The following CHODL variants were observed in gnomAD, a reference collection of about 807,000 sequenced individuals.
The protein encoded by CHODL is transmembrane protein MT75.
CHODL carries 29 observed loss-of-function variants against 34.5 expected under a neutral mutation model. The ratio of observed to expected loss-of-function variants is 0.84; its 90% CI spans 0.63 to 1.15. CHODL has a LOEUF of 1.15. CHODL is among the 50% of genes most tolerant of loss of function. The pLI, the probability that CHODL is intolerant of heterozygous loss-of-function variation, is 0.00. For missense variants in CHODL, 332 were observed against 332.5 expected, an observed-to-expected ratio of 1.00 and a Z score of 0.01; for synonymous variants, 125 against 116.1, an observed-to-expected ratio of 1.08 and a Z score of -0.49.
Position 18,084,698 on chromosome 21 carries a change from C to T in CHODL, c.-45+56727C>T, listed in dbSNP as rs1339657430. ...TTTTATGGCCTAATACATGGTCTAT[C>T]TTGGAGAATGTTCCATGTGCTGATG... On this transcript the variant is annotated intron_variant, in intron 2 of 6. Transcript: ENST00000400127. Among the ~76,000 whole-genome samples the T allele has an allele frequency of 2.6e-5, 4 of 152,036 alleles. No homozygotes were observed. The East Asian group carries it at 7.7e-4, about 29-fold the overall frequency.
At chr21:18,070,025 T>TTCC (rs1555860424) in intron 2 of CHODL, among the ~76,000 whole-genome samples, 7 of 29,128 alleles carry the variant, frequency 2.4e-4, no homozygotes, top group Non-Finnish European at 4.0e-4. Context: ...TTCCCTTCCC[T>TTCC]CCCCCCCCCC....
At chr21:18,184,218 G>T (rs1009134414) in intron 2 of CHODL, among the ~76,000 whole-genome samples, 7 of 152,148 alleles carry the variant, frequency 4.6e-5, no homozygotes, top group Non-Finnish European at 7.4e-5. Flanking sequence ...TAGGTAACTG[G>T]AAATGATATT....
intron 1 of CHODL, among the ~76,000 whole-genome samples, chr21:17,939,365 A>G (rs2063345355): frequency 6.6e-6 from 1 of 152,214 alleles, no homozygotes; most frequent in Admixed American, 6.5e-5. Context: ...TTCATTCAGT[A>G]TAATGCCCTT....
At chr21:18,208,761 A>C (rs1227817259) in intron 2 of CHODL, among the ~76,000 whole-genome samples, 3 of 152,094 alleles carry the variant, frequency 2.0e-5, no homozygotes, top group African/African-American at 7.2e-5. Context: ...TCAGAGGTAC[A>C]AATTTGGTTG....
At chr21:18,127,663 G>A (rs977975010) in intron 2 of CHODL, among the ~76,000 whole-genome samples, 5 of 127,502 alleles carry the variant, frequency 3.9e-5, no homozygotes, top group African/African-American at 1.2e-4. Flanking sequence ...AACCAGTTGC[G>A]TTGCCATTGT....
intron 2 of CHODL, among the ~76,000 whole-genome samples, chr21:18,145,435 CAAAA>C (rs10671177): frequency 2.8e-4 from 17 of 60,886 alleles, no homozygotes; most frequent in Non-Finnish European, 4.3e-4. Flanking sequence ...GACTACCTTT[CAAAA>C]AAAAAAAAAA....
At chr21:18,060,119 CCTT>C (rs1568865545) in intron 2 of CHODL, among the ~76,000 whole-genome samples, 1 of 152,052 alleles carries the variant, frequency 6.6e-6, no homozygotes. Flanking sequence ...ATTTTTGCCT[CCTT>C]CTAACCAGTT....
intron 1 of CHODL, among the ~76,000 whole-genome samples, chr21:17,925,545 T>G (rs185673317): frequency 6.6e-4 from 100 of 152,370 alleles, no homozygotes; most frequent in African/African-American, 2.3e-3. Flanking sequence ...AATAAATGCT[T>G]GTTGAATAAA....
At chr21:18,032,882 A>G (rs984268534) in intron 2 of CHODL, among the ~76,000 whole-genome samples, 1 of 151,970 alleles carries the variant, frequency 6.6e-6, no homozygotes, top group Admixed American at 6.6e-5. Context: ...GCATTCATTC[A>G]CTTGAAAATA....
At chr21:18,228,891 C>T (rs1188683065) in intron 2 of CHODL, among the ~76,000 whole-genome samples, 2 of 152,118 alleles carry the variant, frequency 1.3e-5, no homozygotes, top group Admixed American at 6.6e-5. Flanking sequence ...TGTATTTTAG[C>T]TCACCAACTT....
intron 1 of CHODL, among the ~76,000 whole-genome samples, chr21:18,005,167 G>A (rs1040549438): frequency 2.6e-5 from 4 of 152,214 alleles, no homozygotes; most frequent in African/African-American, 9.7e-5. Context: ...GATCCTCTGG[G>A]TTCTAACCCT....
intron 1 of CHODL, among the ~76,000 whole-genome samples, chr21:17,952,907 C>A (rs2146343633): frequency 6.6e-6 from 1 of 152,232 alleles, no homozygotes; most frequent in East Asian, 1.9e-4. Context: ...TCTTACATGG[C>A]AGCAGGAGAG....
At chr21:18,081,711 A>G (rs1305909323) in intron 2 of CHODL, among the ~76,000 whole-genome samples, 1 of 151,378 alleles carries the variant, frequency 6.6e-6, no homozygotes, top group Non-Finnish European at 1.5e-5. Context: ...AGAGGGTGAA[A>G]GTGGGCATCT....
chr21:18,210,667 A>T (rs2073763189), intron 2 of CHODL, among the ~76,000 whole-genome samples: 1 of 152,128 alleles, frequency 6.6e-6, no homozygotes, highest in African/African-American at 2.4e-5. Context: ...CTAGAAATTT[A>T]TTCCTCCTTA....
chr21:18,134,725 A>AGAG (rs1236624362), intron 2 of CHODL, among the ~76,000 whole-genome samples: 10 of 152,178 alleles, frequency 6.6e-5, no homozygotes, highest in African/African-American at 2.4e-4. Context: ...CTCTCTCACA[A>AGAG]GAGGAGGAGA....
chr21:18,070,009 CT>C, intron 2 of CHODL, among the ~76,000 whole-genome samples: 1 of 76,016 alleles, frequency 1.3e-5, no homozygotes, highest in African/African-American at 4.1e-5. Flanking sequence ...CTTCCCTTCC[CT>C]TCCCTTCCCT....
Position 18,171,198 on chromosome 21 carries a change from G to GTTCTTTTTTTTTTTTTTTTTT in CHODL, c.-44-85309_-44-85308insCTTTTTTTTTTTTTTTTTTTT, listed in dbSNP as rs1333481522. 1.2e-3 allele frequency among the ~76,000 whole-genome samples: 44 copies of GTTCTTTTTTTTTTTTTTTTTT among 37,066 alleles called. 19 individuals carry two copies. Among genetic ancestry groups the GTTCTTTTTTTTTTTTTTTTTT allele is most frequent in the East Asian group, 3.9e-3 (2 of 510 alleles). The allele number at this position is 37,066 out of a possible 152,430, so 24.3% of individuals were successfully genotyped here. On this transcript the variant is annotated intron_variant, in intron 2 of 6. Coordinates refer to the CHODL transcript ENST00000400127. ...TGTTCTTCAGACATGGTTTTCTTTA[G>GTTCTTTTTTTTTTTTTTTTTT]TTTTTTTTTTTTTTTTTTTGAGACG...
chr21:17,923,805 C>A (rs1036884158), intron 1 of CHODL, among the ~76,000 whole-genome samples: 2 of 152,182 alleles, frequency 1.3e-5, no homozygotes, highest in African/African-American at 4.8e-5. Context: ...GAACAAAATA[C>A]TTGTTCTTAA....
intron 2 of CHODL, among the ~76,000 whole-genome samples, chr21:18,101,831 T>C (rs1299053349): frequency 2.6e-5 from 4 of 151,906 alleles, no homozygotes; most frequent in Admixed American, 2.6e-4. Flanking sequence ...GAGAGAAATA[T>C]ATATTTAGTT....
Sources: gnomAD v4.1 joint callset for allele counts (sites outside exome capture counted in the v4.1 genomes callset) on GRCh38, gnomAD v4.1.1 for gene constraint, MANE v1.5 for transcripts, NCBI Gene and HGNC (gene_info 2026-07-23, HGNC 2026-07-21) for gene names.